Variants in PCDH15 observed in about 807,000 individuals in gnomAD.
The protein encoded by PCDH15 is protocadherin-15.
In PCDH15, 129 loss-of-function variants were observed where a neutral mutation model predicts 178.5. That is an observed-to-expected ratio of 0.72 (90% CI 0.63 to 0.84). The LOEUF (loss-of-function observed/expected upper bound fraction) is 0.84, where lower values mean the gene tolerates loss of function less well. PCDH15 is among the 40% of genes least tolerant of loss of function. PCDH15 has a pLI of 0.00. For missense variants in PCDH15, 2,230 were observed against 2,099.9 expected, an observed-to-expected ratio of 1.06 and a Z score of -1.21; for synonymous variants, 800 against 732.0, an observed-to-expected ratio of 1.09 and a Z score of -1.50.
At chr10:54,050,254 T>C (rs1326181108) in intron 18 of PCDH15, among the ~76,000 whole-genome samples, 1 of 152,188 alleles carries the variant, frequency 6.6e-6, no homozygotes, top group Admixed American at 6.6e-5. Context: ...TATTTTTCTG[T>C]TCAAGCTTTT....
At chr10:54,285,200 T>A (rs1357957447) in intron 8 of PCDH15, among the ~76,000 whole-genome samples, 1 of 152,060 alleles carries the variant, frequency 6.6e-6, no homozygotes, top group Non-Finnish European at 1.5e-5. Flanking sequence ...ACAGGTTTTT[T>A]TGGATAAAAA....
intron 1 of PCDH15, among the ~76,000 whole-genome samples, chr10:54,795,707 C>T (rs1221747534): frequency 3.3e-5 from 5 of 151,754 alleles, no homozygotes; most frequent in Non-Finnish European, 5.9e-5. Flanking sequence ...AAAATAATAC[C>T]TGAGTTTTCC....
At chr10:55,569,619 TG>T (rs1405584903) in intron 2 of PCDH15, among the ~76,000 whole-genome samples, 1 of 151,888 alleles carries the variant, frequency 6.6e-6, no homozygotes, top group Non-Finnish European at 1.5e-5. Flanking sequence ...TGAAACATCA[TG>T]ATGAGAATAT....
intron 8 of PCDH15, among the ~76,000 whole-genome samples, chr10:54,245,880 A>G (rs1484124367): frequency 6.6e-6 from 1 of 152,054 alleles, no homozygotes; most frequent in African/African-American, 2.4e-5. Context: ...ATTGTACAAT[A>G]TACAATTTGC....
At chr10:55,419,864 T>A (rs1214465969) in intron 2 of PCDH15, among the ~76,000 whole-genome samples, 1 of 151,714 alleles carries the variant, frequency 6.6e-6, no homozygotes, top group Non-Finnish European at 1.5e-5. Context: ...CAAAAAAATA[T>A]GAACAGATAG....
chr10:55,397,715 A>G (rs941075339), intron 2 of PCDH15, among the ~76,000 whole-genome samples: 1 of 151,984 alleles, frequency 6.6e-6, no homozygotes, highest in Non-Finnish European at 1.5e-5. Context: ...CCTCCTGAGT[A>G]GCTGGGATAA....
intron 3 of PCDH15, among the ~76,000 whole-genome samples, chr10:54,891,035 C>A (rs1487650863): frequency 2.6e-5 from 4 of 151,976 alleles, no homozygotes; most frequent in African/African-American, 9.7e-5. Flanking sequence ...GAAAAGGGAA[C>A]ATTATCTCAT....
At chr10:53,911,471 G>A (rs1319379790) in intron 25 of PCDH15, among the ~76,000 whole-genome samples, 1 of 152,112 alleles carries the variant, frequency 6.6e-6, no homozygotes, top group African/African-American at 2.4e-5. Flanking sequence ...TGTGTAGAGG[G>A]AAATTTATAG....
chr10:53,913,767 A>C (rs1323403458), intron 25 of PCDH15, among the ~76,000 whole-genome samples: 4 of 151,746 alleles, frequency 2.6e-5, no homozygotes, highest in African/African-American at 9.7e-5. Context: ...AAAACAAAAA[A>C]CAAAAAAAAA....
chr10:54,675,159 G>A (rs2135554224), intron 1 of PCDH15, among the ~76,000 whole-genome samples: 1 of 151,894 alleles, frequency 6.6e-6, no homozygotes, highest in African/African-American at 2.4e-5. Flanking sequence ...TTAAATATTA[G>A]ATTATGCTAT....
At chr10:55,566,461 G>GA (rs982041821) in intron 2 of PCDH15, among the ~76,000 whole-genome samples, 3 of 151,016 alleles carry the variant, frequency 2.0e-5, no homozygotes, top group African/African-American at 7.3e-5. Context: ...GATCTGGCTA[G>GA]AAAAAAATAT....
intron 3 of PCDH15, among the ~76,000 whole-genome samples, chr10:54,418,910 T>G (rs1954836979): frequency 6.6e-6 from 1 of 151,976 alleles, no homozygotes; most frequent in African/African-American, 2.4e-5. Context: ...CCGTAGAGAA[T>G]TTTTACAAAT....
chr10:55,132,745 T>C (rs1038813566), intron 2 of PCDH15, among the ~76,000 whole-genome samples: 5 of 152,112 alleles, frequency 3.3e-5, no homozygotes, highest in African/African-American at 1.2e-4. Context: ...GTACATAGAG[T>C]ATTGTACTTT....
At chr10:54,121,375 T>C (rs2132866871) in intron 15 of PCDH15, among the ~76,000 whole-genome samples, 1 of 152,138 alleles carries the variant, frequency 6.6e-6, no homozygotes, top group Non-Finnish European at 1.5e-5. Context: ...AACATTATAC[T>C]AGAGGAAGTA....
At chr10:54,189,344 G>A (rs1448423765) in intron 11 of PCDH15, 3 of 1,569,206 alleles carry the variant, frequency 1.9e-6, no homozygotes, top group Non-Finnish European at 2.6e-6. Context: ...ACAATCACAA[G>A]CTTAACACCT....
At chr10:54,188,557 T>G (rs781494802) in intron 11 of PCDH15, among the ~76,000 whole-genome samples, 1 of 151,910 alleles carries the variant, frequency 6.6e-6, no homozygotes, top group African/African-American at 2.4e-5. Context: ...GTATGATATA[T>G]TAATTCACTT....
chr10:55,535,380 T>C (rs1179958908), intron 2 of PCDH15, among the ~76,000 whole-genome samples: 1 of 152,032 alleles, frequency 6.6e-6, no homozygotes, highest in Non-Finnish European at 1.5e-5. Context: ...AGAATAAGCC[T>C]CTACTAGGGC....
At chr10:55,509,650 A>G (rs1840836101) in intron 2 of PCDH15, among the ~76,000 whole-genome samples, 1 of 151,702 alleles carries the variant, frequency 6.6e-6, no homozygotes, top group Non-Finnish European at 1.5e-5. Flanking sequence ...ATCGAAATTA[A>G]TATGTCATGA....
intron 18 of PCDH15, among the ~76,000 whole-genome samples, chr10:54,046,541 C>T (rs145006623): frequency 6.6e-6 from 1 of 152,082 alleles, no homozygotes; most frequent in East Asian, 1.9e-4. Context: ...CTCTAAAATT[C>T]TGTTTACAGG....
Sources: allele counts gnomAD v4.1 joint callset (sites outside exome capture counted in the v4.1 genomes callset), GRCh38; gene constraint gnomAD v4.1.1; transcripts MANE v1.5; gene names NCBI Gene and HGNC (gene_info 2026-07-23, HGNC 2026-07-21).